The following PEX14 variants were observed in gnomAD, a reference collection of about 807,000 sequenced individuals.
PEX14 encodes peroxisomal biogenesis factor 14.
PEX14 carries 15 observed loss-of-function variants against 49.5 expected under a neutral mutation model. The observed-to-expected ratio is 0.30, with a 90% CI of 0.20 to 0.47. The LOEUF is 0.47. Among genes scored for constraint, PEX14 ranks in the 20% least tolerant of loss-of-function variants. The pLI is 1.00. For missense variants in PEX14, 398 were observed against 494.8 expected, an observed-to-expected ratio of 0.80 and a Z score of 1.86; for synonymous variants, 210 against 212.7, an observed-to-expected ratio of 0.99 and a Z score of 0.11.
intron 2 of PEX14, among the ~76,000 whole-genome samples, chr1:10,511,272 T>C (rs1459647905): frequency 6.6e-6 from 1 of 152,236 alleles, no homozygotes; most frequent in African/African-American, 2.4e-5. Flanking sequence ...TCTAATCTTT[T>C]ATATTTCTAT....
chr1:10,572,091 C>G (rs1239923046), intron 3 of PEX14, among the ~76,000 whole-genome samples: 1 of 152,036 alleles, frequency 6.6e-6, no homozygotes, highest in Admixed American at 6.6e-5. Context: ...TGAGAATTTC[C>G]TGAAATTAAA....
chr1:10,482,070 C>T (rs941577329), intron 1 of PEX14, among the ~76,000 whole-genome samples: 1 of 152,104 alleles, frequency 6.6e-6, no homozygotes, highest in East Asian at 1.9e-4. Context: ...ACCAGTCTGC[C>T]CGTCTGGGCC....
At chr1:10,617,879 C>T (rs190204107) in intron 4 of PEX14, among the ~76,000 whole-genome samples, 283 of 152,266 alleles carry the variant, frequency 1.9e-3, no homozygotes, top group African/African-American at 6.4e-3. Context: ...CTCTCCACTT[C>T]GCTGAGGCCC....
At chr1:10,572,913 A>T (rs1640021449) in intron 3 of PEX14, among the ~76,000 whole-genome samples, 1 of 152,216 alleles carries the variant, frequency 6.6e-6, no homozygotes, top group African/African-American at 2.4e-5. Context: ...ACAGACCTGG[A>T]GGGTATAACC....
At chr1:10,600,148 G>A (rs1640941512) in intron 4 of PEX14, among the ~76,000 whole-genome samples, 1 of 152,218 alleles carries the variant, frequency 6.6e-6, no homozygotes, top group African/African-American at 2.4e-5. Flanking sequence ...GGCCGGGCAC[G>A]TTGGCTCACG....
chr1:10,574,634 C>T (rs1640070164), intron 3 of PEX14, among the ~76,000 whole-genome samples: 1 of 152,084 alleles, frequency 6.6e-6, no homozygotes, highest in Non-Finnish European at 1.5e-5. Context: ...GGAGATGCTA[C>T]ACACAATATA....
Position 10,516,525 on chromosome 1 carries a change from T to G in PEX14, c.85-19688T>G, listed in dbSNP as rs1641973208. ...TTTACAGGATCTCAAATCTCCTGCC[T>G]GAAACTTTACCTGGGATTGTCTTGA... On this transcript the variant is annotated intron_variant, in intron 2 of 8. Coordinates refer to ENST00000356607, the MANE Select transcript of PEX14 (RefSeq NM_004565.3). 3.9e-5 allele frequency among the ~76,000 whole-genome samples: 6 copies of G among 152,234 alleles called. No individual in the cohort carries two copies. The South Asian group carries it at 1.2e-3, about 31-fold the overall frequency.
chr1:10,590,210 G>A (rs1185186096), intron 3 of PEX14, among the ~76,000 whole-genome samples: 3 of 152,128 alleles, frequency 2.0e-5, no homozygotes, highest in African/African-American at 7.2e-5. Context: ...CCTGCAAACA[G>A]AACCGTGAGC....
At chr1:10,506,762 C>A (rs1423790408) in intron 2 of PEX14, among the ~76,000 whole-genome samples, 3 of 152,186 alleles carry the variant, frequency 2.0e-5, no homozygotes, top group Non-Finnish European at 4.4e-5. Context: ...TTACTGATGT[C>A]TTGAAGTTCT....
intron 3 of PEX14, among the ~76,000 whole-genome samples, chr1:10,577,591 T>G (rs1488436239): frequency 6.8e-4 from 21 of 30,884 alleles, no homozygotes; most frequent in African/African-American, 2.9e-3. Context: ...TTTTTTTTTT[T>G]TTTTTTTTTT....
At chr1:10,531,886 T>C (rs1368173315) in intron 2 of PEX14, among the ~76,000 whole-genome samples, 1 of 152,036 alleles carries the variant, frequency 6.6e-6, no homozygotes, top group African/African-American at 2.4e-5. Context: ...GTGCAGAAAA[T>C]AAAGTGTGTA....
In PEX14 at chr1:10,480,929, A is replaced by G. The variant is rs534064567; in HGVS notation, c.36+5927A>G. On this transcript the variant is annotated intron_variant, in intron 1 of 8. Coordinates refer to ENST00000356607, the MANE Select transcript of PEX14 (RefSeq NM_004565.3). ...GACATCAAGGATATTTCATCCTAGA[A>G]TATTTCACCTTATCTCTCATAAGAG... Among the ~76,000 whole-genome samples the G allele has an allele frequency of 1.1e-3, 165 of 151,534 alleles. No homozygotes were observed. In the Middle Eastern group the frequency reaches 0.017, roughly 16 times the overall value.
At position 10,629,949 on chromosome 1, in the gene PEX14, C is replaced by T. The variant is rs758008527; in HGVS notation, c.1096C>T (p.Arg366Trp). 14 of 1,611,402 alleles carry T rather than the reference C, an allele frequency of 8.7e-6. No individual in the cohort carries two copies. The highest frequency in any genetic ancestry group is 5.0e-5 in the Admixed American group (3 of 59,882). Residue 366 changes from arginine (R) to tryptophan (W), a missense_variant, in exon 9 of 9, where the codon CGG becomes TGG. Arg to Trp is a moderately radical substitution (Grantham distance 101). This residue lies in a region of PEX14 where 140 missense variants were observed against 155.5 expected (regional missense o/e 0.90). Coordinates refer to ENST00000356607, the MANE Select transcript of PEX14 (RefSeq NM_004565.3). This position sits in a 1 kb window ranked among gnomAD's most constrained non-coding sequence, Gnocchi z 8.5. ...QINEQVEKLRRPEGASNESER... is the reference protein window; with the variant it reads ...QINEQVEKLRWPEGASNESER... ...CAACGAGCAGGTGGAGAAGCTGCGG[C>T]GGCCCGAGGGCGCCAGCAACGAGAG...
At chr1:10,501,935 G>GT (rs1216130576) in intron 2 of PEX14, among the ~76,000 whole-genome samples, 1 of 151,346 alleles carries the variant, frequency 6.6e-6, no homozygotes, top group Non-Finnish European at 1.5e-5. Flanking sequence ...TGCCCAAACA[G>GT]TAAATCATCT....
At chr1:10,522,342 G>A (rs1638326668) in intron 2 of PEX14, among the ~76,000 whole-genome samples, 2 of 152,224 alleles carry the variant, frequency 1.3e-5, no homozygotes, top group South Asian at 4.1e-4. Flanking sequence ...AGAGAACGAG[G>A]ACCAATGGTT....
intron 3 of PEX14, among the ~76,000 whole-genome samples, chr1:10,578,409 T>C (rs1034211490): frequency 4.6e-5 from 7 of 152,042 alleles, no homozygotes; most frequent in African/African-American, 1.4e-4. Context: ...AAAACAAAAA[T>C]AAAGCATAAA....
chr1:10,625,589 G>T (rs568153422), intron 7 of PEX14, among the ~76,000 whole-genome samples: 1 of 152,310 alleles, frequency 6.6e-6, no homozygotes, highest in South Asian at 2.1e-4. Flanking sequence ...TTCCTCCTGG[G>T]ATGGCTGTGG....
chr1:10,513,148 CGT>C (rs762492406), intron 2 of PEX14, among the ~76,000 whole-genome samples: 78 of 152,192 alleles, frequency 5.1e-4, no homozygotes, highest in Non-Finnish European at 1.3e-4. Flanking sequence ...GAGAAAATAG[CGT>C]GTTTTCACAA....
chr1:10,581,814 G>A (rs958451601), intron 3 of PEX14, among the ~76,000 whole-genome samples: 9 of 149,676 alleles, frequency 6.0e-5, no homozygotes, highest in South Asian at 4.2e-4. Flanking sequence ...AGGCTTTTTC[G>A]TTTGTCTCCC....
Sources: gnomAD v4.1 joint callset for allele counts (sites outside exome capture counted in the v4.1 genomes callset) on GRCh38, gnomAD v4.1.1 for gene constraint, gnomAD v4.1.1 regional missense constraint, Gnocchi (gnomAD v3.1) non-coding constraint, MANE v1.5 for transcripts, NCBI Gene and HGNC (gene_info 2026-07-23, HGNC 2026-07-21) for gene names.